The following PCDH15 variants were observed in gnomAD, a reference collection of about 807,000 sequenced individuals.
PCDH15 encodes the protein protocadherin related 15.
Under a neutral mutation model 178.5 loss-of-function variants are expected in PCDH15, and 129 were observed. The observed-to-expected ratio is 0.72, with a 90% CI of 0.63 to 0.84. The LOEUF is 0.84. Among genes scored for constraint, PCDH15 ranks in the 40% least tolerant of loss-of-function variants. PCDH15 has a pLI of 0.00. For synonymous variants in PCDH15, 800 were observed against 732.0 expected (o/e 1.09, Z -1.50); for missense variants, 2,230 against 2,099.9 (o/e 1.06, Z -1.21).
chr10:54,218,971 G>C (rs143106857), intron 9 of PCDH15, among the ~76,000 whole-genome samples: 2 of 151,692 alleles, frequency 1.3e-5, no homozygotes, highest in African/African-American at 2.4e-5. Flanking sequence ...AAGAGACTTA[G>C]GGCTGGGCGC....
rs1423050317 is a variant in PCDH15, at chr10:55,529,753, A to G, written c.-156+97872T>C. 5.7e-4 allele frequency among the ~76,000 whole-genome samples: 73 copies of G among 127,126 alleles called. 1 individual carries two copies. Among genetic ancestry groups the G allele is most frequent in the African/African-American group, 2.2e-3 (73 of 33,108 alleles). The allele number at this position is 127,126 out of a possible 152,430, so 83.4% of individuals were successfully genotyped here. ...TGTTTGTCTGTGAGTATATATATAT[A>G]TATATATATATATATATATATATAT... On this transcript the variant is annotated intron_variant, in intron 2 of 5. Transcript: ENST00000613346.
At chr10:54,341,916 G>T (rs1167816184) in intron 6 of PCDH15, among the ~76,000 whole-genome samples, 1 of 152,218 alleles carries the variant, frequency 6.6e-6, no homozygotes, top group Non-Finnish European at 1.5e-5. Context: ...TCTGGCAGGA[G>T]AAATTTCTAA....
chr10:55,033,057 G>A lies in PCDH15; in HGVS notation c.-80+133519C>T, dbSNP rs769503650. On this transcript the variant is annotated intron_variant, in intron 2 of 5. Transcript: ENST00000458638. ...GATGCTAAATCTTCAGTCAAGCAGA[G>A]TGCATGAGCTGTGGAGGCTTGGATT... Among the ~76,000 whole-genome samples, 3 of 152,088 alleles carry A rather than the reference G, an allele frequency of 2.0e-5. No individual in the cohort carries two copies. The East Asian group carries it at 5.8e-4, about 29-fold the overall frequency.
At chr10:55,235,357 C>T (rs143906206) in intron 1 of PCDH15, among the ~76,000 whole-genome samples, 88 of 152,128 alleles carry the variant, frequency 5.8e-4, no homozygotes, top group African/African-American at 1.8e-3. Flanking sequence ...TTTGATTCGT[C>T]AACCCTAAAA....
intron 28 of PCDH15, among the ~76,000 whole-genome samples, chr10:53,855,920 A>ATATATATATATGTGTG (rs1201156130): frequency 2.8e-5 from 4 of 140,412 alleles, no homozygotes; most frequent in African/African-American, 1.0e-4. Flanking sequence ...ATATATATAT[A>ATATATATATATGTGTG]TGTATGTGTG....
chr10:55,490,058 TAAAC>T (rs1840378604), intron 2 of PCDH15, among the ~76,000 whole-genome samples: 2 of 151,120 alleles, frequency 1.3e-5, no homozygotes, highest in Non-Finnish European at 1.5e-5. Context: ...ATTTGAAAAA[TAAAC>T]AAAGCAACAA....
At chr10:55,476,839 G>C (rs1461604324) in intron 2 of PCDH15, among the ~76,000 whole-genome samples, 1 of 151,884 alleles carries the variant, frequency 6.6e-6, no homozygotes, top group Non-Finnish European at 1.5e-5. Flanking sequence ...CAAAGAAATA[G>C]ATTCTGTAGA....
At chr10:54,125,415 A>G (rs2041908611) in intron 15 of PCDH15, among the ~76,000 whole-genome samples, 1 of 152,166 alleles carries the variant, frequency 6.6e-6, no homozygotes, top group African/African-American at 2.4e-5. Context: ...TAATAATTTT[A>G]TTTTACTTTT....
At chr10:54,414,101 G>T (rs12785187) in intron 3 of PCDH15, among the ~76,000 whole-genome samples, 1 of 151,940 alleles carries the variant, frequency 6.6e-6, no homozygotes, top group African/African-American at 2.4e-5. Context: ...CACTACAAAA[G>T]AAAATTGAAG....
At chr10:54,307,096 GTGTGTGTGTATATATATATATATA>G (rs2060574969) in intron 8 of PCDH15, among the ~76,000 whole-genome samples, 2 of 10,562 alleles carry the variant, frequency 1.9e-4, no homozygotes, top group African/African-American at 1.1e-3. Context: ...ATATATATGT[GTGTGTGTGTATATATATATATATA>G]TATATATATA....
At chr10:55,547,391 G>C (rs1035500678) in intron 2 of PCDH15, among the ~76,000 whole-genome samples, 2 of 152,234 alleles carry the variant, frequency 1.3e-5, no homozygotes, top group Middle Eastern at 3.4e-3. Flanking sequence ...TGAAAGAGAG[G>C]TAATTGTTCT....
intron 2 of PCDH15, among the ~76,000 whole-genome samples, chr10:55,544,139 C>CATACATATATATATATATAT (rs1200067998): frequency 5.5e-5 from 3 of 54,332 alleles, no homozygotes; most frequent in Non-Finnish European, 1.0e-4. Context: ...CTTATACATA[C>CATACATATATATATATATAT]ATATATATAT....
intron 1 of PCDH15, among the ~76,000 whole-genome samples, chr10:54,794,577 T>C (rs1378029036): frequency 6.6e-6 from 1 of 151,826 alleles, no homozygotes; most frequent in African/African-American, 2.4e-5. Context: ...AGATGGAATG[T>C]AAGGTTAACA....
intron 1 of PCDH15, among the ~76,000 whole-genome samples, chr10:54,768,394 T>G (rs2133232518): frequency 6.6e-6 from 1 of 152,276 alleles, no homozygotes; most frequent in Non-Finnish European, 1.5e-5. Flanking sequence ...CAAAATGATG[T>G]CACCCTCAGA....
chr10:54,919,245 C>T (rs1034020190), intron 2 of PCDH15, among the ~76,000 whole-genome samples: 1 of 152,086 alleles, frequency 6.6e-6, no homozygotes, highest in African/African-American at 2.4e-5. Context: ...ATTATTTAAG[C>T]ATCCCTTGTG....
At chr10:54,979,220 A>G (rs951954005) in intron 2 of PCDH15, among the ~76,000 whole-genome samples, 1 of 152,216 alleles carries the variant, frequency 6.6e-6, no homozygotes, top group Non-Finnish European at 1.5e-5. Flanking sequence ...TAACAATGCT[A>G]TATGAGGAAT....
intron 15 of PCDH15, among the ~76,000 whole-genome samples, chr10:54,117,789 A>C (rs1038256093): frequency 3.9e-5 from 6 of 152,046 alleles, no homozygotes. Flanking sequence ...GCCCTCGTGG[A>C]GAGGAGACCC....
intron 3 of PCDH15, among the ~76,000 whole-genome samples, chr10:54,822,768 T>C (rs1953067523): frequency 6.6e-6 from 1 of 152,072 alleles, no homozygotes; most frequent in South Asian, 2.1e-4. Context: ...ATACTTCCCT[T>C]CCTTTACATC....
intron 15 of PCDH15, among the ~76,000 whole-genome samples, chr10:54,125,921 G>A (rs528695739): frequency 6.6e-6 from 1 of 151,962 alleles, no homozygotes; most frequent in South Asian, 2.1e-4. Flanking sequence ...GAATTTCTTG[G>A]AATGTATCCA....
Sources: allele counts gnomAD v4.1 joint callset (sites outside exome capture counted in the v4.1 genomes callset), GRCh38; gene constraint gnomAD v4.1.1; transcripts MANE v1.5; gene names NCBI Gene and HGNC (gene_info 2026-07-23, HGNC 2026-07-21).